Variants in POM121 observed in about 807,000 individuals in gnomAD.
The protein encoded by POM121 is nuclear envelope pore membrane protein POM 121.
A neutral mutation model predicts 81.3 loss-of-function variants in POM121; 32 were observed. The observed-to-expected ratio is 0.39, with a 90% CI of 0.30 to 0.53. The LOEUF (loss-of-function observed/expected upper bound fraction) is 0.53, where lower values mean the gene tolerates loss of function less well. Ranked by LOEUF, POM121 falls within the 20% of genes least tolerant of loss-of-function variation. The pLI is 0.66. For synonymous variants in POM121, 514 were observed against 694.2 expected (o/e 0.74, Z 4.08); for missense variants, 1,138 against 1,614.6 (o/e 0.70, Z 5.06).
At chr7:72,895,579 A>T (rs1791860650) in intron 3 of POM121, among the ~76,000 whole-genome samples, 1 of 152,140 alleles carries the variant, frequency 6.6e-6, no homozygotes. Flanking sequence ...GTCATCGTTC[A>T]GTCTACCCAT....
At chr7:72,907,297 T>C (rs1310284243) in intron 3 of POM121, among the ~76,000 whole-genome samples, 1 of 152,174 alleles carries the variant, frequency 6.6e-6, no homozygotes, top group African/African-American at 2.4e-5. Flanking sequence ...TTGCCCTTTT[T>C]TATGGTATTG....
upstream of POM121, among the ~76,000 whole-genome samples, chr7:72,920,600 C>T (rs1337737096): frequency 3.9e-5 from 6 of 152,048 alleles, no homozygotes; most frequent in African/African-American, 1.2e-4. Context: ...ATGATCCGCC[C>T]GCCTTGGCCT....
intron 4 of POM121, among the ~76,000 whole-genome samples, chr7:72,918,599 A>G (rs1586130476): frequency 6.6e-6 from 1 of 152,104 alleles, no homozygotes; most frequent in East Asian, 1.9e-4. Context: ...GATCTAGTAT[A>G]ACTCTTGTTG....
intron 3 of POM121, among the ~76,000 whole-genome samples, chr7:72,902,255 C>CTTT (rs1210238081): frequency 2.4e-5 from 3 of 126,620 alleles, no homozygotes; most frequent in African/African-American, 5.9e-5. Context: ...CTTTTTCTTT[C>CTTT]TTTTTTTTTT....
In POM121 at chr7:72,926,840, C is replaced by T. The variant is rs1164285034; in HGVS notation, c.899C>T (p.Ser300Leu). 6.2e-7 allele frequency: 1 copy of T among 1,613,880 alleles called. No individual in the cohort carries two copies. Among genetic ancestry groups the T allele is most frequent in the Non-Finnish European group, 8.5e-7 (1 of 1,179,882 alleles). The change falls in exon 3 of 13, where the codon TCA becomes TTA. Residue 300 changes from serine to leucine, a missense_variant. Physicochemically the swap from Ser to Leu is moderately radical, Grantham distance 145. Coordinates refer to ENST00000434423, the MANE Select transcript of POM121 (RefSeq NM_001387691.1). The stretch of plus-strand genomic sequence containing the variant: ...ATCAGCTCAACACTGTCCTCACCAT[C>T]AAGTAACGCCCCAGACCCATGTGCA... ...QIISSTLSSPSSNAPDPCAKE... is the reference protein window; with the variant it reads ...QIISSTLSSPLSNAPDPCAKE...
chr7:72,902,254 T>C (rs1792736502), intron 3 of POM121, among the ~76,000 whole-genome samples: 1 of 149,372 alleles, frequency 6.7e-6, no homozygotes, highest in Non-Finnish European at 1.5e-5. Flanking sequence ...TCTTTTTCTT[T>C]CTTTTTTTTT....
At chr7:72,893,914 C>T (rs1168972943) in intron 3 of POM121, among the ~76,000 whole-genome samples, 1 of 152,138 alleles carries the variant, frequency 6.6e-6, no homozygotes, top group Non-Finnish European at 1.5e-5. Context: ...TGTCTCTGTT[C>T]CCCAAAGTTC....
chr7:72,917,518 C>A (rs1452201469), intron 4 of POM121, among the ~76,000 whole-genome samples: 11 of 150,020 alleles, frequency 7.3e-5, no homozygotes, highest in African/African-American at 2.3e-4. Context: ...TTTCTGCTTT[C>A]CCAGAGGAAT....
At chr7:72,909,789 C>T (rs1474036149) in intron 3 of POM121, among the ~76,000 whole-genome samples, 4 of 152,096 alleles carry the variant, frequency 2.6e-5, no homozygotes, top group Non-Finnish European at 4.4e-5. Context: ...CTGGGACCAG[C>T]GGTACACACT....
At position 72,925,402 on chromosome 7, in the gene POM121, C is replaced by T. The variant is rs1554497008; in HGVS notation, c.281C>T (p.Ser94Phe). 1 of 1,533,862 alleles carries T rather than the reference C, an allele frequency of 6.5e-7. No homozygotes were observed. Among genetic ancestry groups the T allele is most frequent in the South Asian group, 1.2e-5 (1 of 83,976 alleles). The change falls in exon 1 of 13, where the codon TCC becomes TTC. Residue 94 changes from serine to phenylalanine, a missense_variant. Coordinates refer to ENST00000434423, the MANE Select transcript of POM121 (RefSeq NM_001387691.1). ...RKARHRRPLS[S>F]FVRKARHRRT... is the part of the protein sequence containing the mutation. ...GCGCGTCATCGGCGCCCCTTGTCCTCCTTCGTTCGGAAGGCGCGTCATCGG... is the reference window on the plus strand; with the variant it reads ...GCGCGTCATCGGCGCCCCTTGTCCTTCTTCGTTCGGAAGGCGCGTCATCGG...
intron 2 of POM121, chr7:72,890,924 G>A: frequency 8.6e-7 from 1 of 1,166,786 alleles, no homozygotes; most frequent in South Asian, 1.4e-5. Flanking sequence ...GAGCATTTCT[G>A]TTATGCAGCT....
downstream of POM121, chr7:72,949,565 A>C (rs1797935706): frequency 7.0e-6 from 5 of 712,494 alleles, no homozygotes; most frequent in Middle Eastern, 2.4e-4. Context: ...GCTGACACAG[A>C]CAACCAGAAC....
At chr7:72,891,972 C>T (rs1265452176) in intron 3 of POM121, among the ~76,000 whole-genome samples, 2 of 152,128 alleles carry the variant, frequency 1.3e-5, no homozygotes, top group East Asian at 1.9e-4. Flanking sequence ...GATGATGTAG[C>T]GCTCCCTCAG....
intron 5 of POM121, among the ~76,000 whole-genome samples, chr7:72,936,541 T>C (rs1364263459): frequency 6.6e-6 from 1 of 152,156 alleles, no homozygotes; most frequent in Non-Finnish European, 1.5e-5. Context: ...CCTCCCAAAG[T>C]GGTGGGATTA....
At chr7:72,886,362 C>T (rs1167944382) in intron 1 of POM121, among the ~76,000 whole-genome samples, 10 of 151,894 alleles carry the variant, frequency 6.6e-5, no homozygotes, top group Non-Finnish European at 1.2e-4. Context: ...TTAGTAGAGA[C>T]GAGGTTTCGC....
chr7:72,891,949 G>C (rs1791337658), intron 3 of POM121, among the ~76,000 whole-genome samples: 1 of 152,144 alleles, frequency 6.6e-6, no homozygotes, highest in Non-Finnish European at 1.5e-5. Context: ...CCAAGTCCAT[G>C]CTCAGTTGAT....
rs1797272440 is a variant in POM121 at position 72,943,043 on chromosome 7, T to G, written c.3050T>G (p.Val1017Gly). Residue 1017 changes from valine to glycine, a missense_variant, in exon 11 of 13, where the codon GTC becomes GGC. By Grantham distance (109) the Val-to-Gly change is moderately radical. Around this residue, in one of 7 missense-constraint regions of POM121, gnomAD observed 336 missense variants for 344.3 expected, o/e 0.98. Coordinates refer to ENST00000434423, the MANE Select transcript of POM121 (RefSeq NM_001387691.1). ...CCTGCACCTCCGTCCATGATCAAGG[T>G]CGTGCCTGCGTACGTGCCTACGCCC... ...PTPAPPSMIK[V>G]VPAYVPTPIH... 2 of 1,613,890 alleles carry G rather than the reference T, an allele frequency of 1.2e-6. No homozygotes were observed. Among genetic ancestry groups the G allele is most frequent in the East Asian group, 4.5e-5 (2 of 44,856 alleles).
At chr7:72,889,771 G>T (rs143175013) in intron 1 of POM121, among the ~76,000 whole-genome samples, 1 of 152,098 alleles carries the variant, frequency 6.6e-6, no homozygotes, top group African/African-American at 2.4e-5. Context: ...TCCCATCTCG[G>T]CCTCCCAAAG....
At chr7:72,948,480 C>T (rs1554503848), downstream of POM121, 1 of 1,613,550 alleles carries the variant, frequency 6.2e-7, no homozygotes, top group Non-Finnish European at 8.5e-7. Flanking sequence ...AGCCCGGAGC[C>T]TCTGCTATGT....
Sources: gnomAD v4.1 joint callset for allele counts (sites outside exome capture counted in the v4.1 genomes callset) on GRCh38, gnomAD v4.1.1 for gene constraint, gnomAD v4.1.1 regional missense constraint, MANE v1.5 for transcripts, NCBI Gene and HGNC (gene_info 2026-07-23, HGNC 2026-07-21) for gene names.